ZFAND6: variants seen among roughly 807,000 people sequenced by gnomAD.
ZFAND6 encodes AN1-type zinc finger protein 6.
ZFAND6 carries 12 observed loss-of-function variants against 24.5 expected under a neutral mutation model. That is an observed-to-expected ratio of 0.49 (90% CI 0.31 to 0.79). The LOEUF (loss-of-function observed/expected upper bound fraction) is 0.79, where lower values mean the gene tolerates loss of function less well. Ranked by LOEUF, ZFAND6 falls within the 30% of genes least tolerant of loss-of-function variation. The pLI is 0.04. For missense variants in ZFAND6, 207 were observed against 245.9 expected, an observed-to-expected ratio of 0.84 and a Z score of 1.06; for synonymous variants, 92 against 81.5, an observed-to-expected ratio of 1.13 and a Z score of -0.69.
intron 1 of ZFAND6, among the ~76,000 whole-genome samples, chr15:80,062,670 G>C (rs1005202119): frequency 6.6e-6 from 1 of 152,096 alleles, no homozygotes; most frequent in African/African-American, 2.4e-5. Flanking sequence ...TGTTTTGGTA[G>C]GGCTGTATTC....
At chr15:80,129,226 G>A (rs1264715958) in intron 5 of ZFAND6, among the ~76,000 whole-genome samples, 1 of 152,132 alleles carries the variant, frequency 6.6e-6, no homozygotes, top group African/African-American at 2.4e-5. Flanking sequence ...GAAAATAAAA[G>A]GTTTGATGTG....
At chr15:80,096,898 G>A (rs150561280) in intron 1 of ZFAND6, among the ~76,000 whole-genome samples, 1 of 152,142 alleles carries the variant, frequency 6.6e-6, no homozygotes, top group African/African-American at 2.4e-5. Context: ...AAAAAATGCA[G>A]GTGAATAGGA....
At chr15:80,135,404 A>G (rs2040816768) in intron 6 of ZFAND6, among the ~76,000 whole-genome samples, 2 of 152,242 alleles carry the variant, frequency 1.3e-5, no homozygotes, top group Admixed American at 6.5e-5. Context: ...CTGCATGCCT[A>G]AATCTGGCAT....
intron 3 of ZFAND6, among the ~76,000 whole-genome samples, chr15:80,121,452 T>C (rs1391071317): frequency 6.6e-6 from 1 of 152,198 alleles, no homozygotes; most frequent in Non-Finnish European, 1.5e-5. Flanking sequence ...GCATTTGGGC[T>C]TGGGTGCTAT....
rs574842440 is a variant in ZFAND6 at position 80,079,649 on chromosome 15, C to CTT, written c.-180-18750_-180-18749dup. Among the ~76,000 whole-genome samples the CTT allele has an allele frequency of 0.019, 2,347 of 120,416 alleles. 185 individuals carry two copies. The East Asian group carries it at 0.21, about 11-fold the overall frequency. The allele number at this position is 120,416 out of a possible 152,430, so 79.0% of individuals were successfully genotyped here. On this transcript the variant is annotated intron_variant, in intron 1 of 6. Transcript: ENST00000261749. The stretch of plus-strand genomic sequence containing the variant: ...AATTTGAAAAGAATGTTTTCCTTAG[C>CTT]TTTTTTTTTTTTTTTTTTGAAATGG...
intron 1 of ZFAND6, among the ~76,000 whole-genome samples, chr15:80,090,083 T>C (rs1356506699): frequency 6.6e-6 from 1 of 152,218 alleles, no homozygotes; most frequent in Admixed American, 6.5e-5. Flanking sequence ...ACTTGTTAAT[T>C]TGTCTGTTTT....
At chr15:80,099,253 G>T (rs2038901410) in intron 2 of ZFAND6, among the ~76,000 whole-genome samples, 3 of 151,984 alleles carry the variant, frequency 2.0e-5, no homozygotes, top group Admixed American at 6.6e-5. Flanking sequence ...GTGGTGTCTG[G>T]TTTTTTTCTA....
At chr15:80,113,500 G>T (rs1176118453) in intron 2 of ZFAND6, among the ~76,000 whole-genome samples, 2 of 151,898 alleles carry the variant, frequency 1.3e-5, no homozygotes, top group Non-Finnish European at 2.9e-5. Context: ...CGGGAGGAGG[G>T]AGAAAAAGAA....
chr15:80,070,301 T>C (rs2036900931), intron 1 of ZFAND6, among the ~76,000 whole-genome samples: 1 of 152,226 alleles, frequency 6.6e-6, no homozygotes, highest in Non-Finnish European at 1.5e-5. Context: ...ACAAATAATA[T>C]ACAATACATC....
chr15:80,137,644 C>T lies in ZFAND6; in HGVS notation c.*16C>T, dbSNP rs894442832. ...AAAGATTTGAACTCCTGCTGGAATA[C>T]AAAATTCTTGAGCATCTGCAAACTA... On this transcript the variant is annotated 3_prime_UTR_variant, in exon 7 of 7. Coordinates refer to ENST00000261749, the MANE Select transcript of ZFAND6 (RefSeq NM_019006.4). 19 of 1,558,404 alleles carry T rather than the reference C, an allele frequency of 1.2e-5. No individual in the cohort carries two copies. The highest frequency in any genetic ancestry group is 6.9e-5 in the East Asian group (3 of 43,674).
At chr15:80,090,245 G>C (rs1053173273) in intron 1 of ZFAND6, among the ~76,000 whole-genome samples, 2 of 152,162 alleles carry the variant, frequency 1.3e-5, no homozygotes, top group African/African-American at 4.8e-5. Flanking sequence ...AAGTACTCAA[G>C]AAATGCCTCT....
In ZFAND6 at chr15:80,082,276, ATTAACT is replaced by A. The variant is rs374738020; in HGVS notation, c.-180-16135_-180-16130del. On this transcript the variant is annotated intron_variant, in intron 1 of 6. Coordinates refer to ENST00000261749, the MANE Select transcript of ZFAND6 (RefSeq NM_019006.4). ...ACTCATATTGGACACTATCAGACAC[ATTAACT>A]TTAAGTTCTCACAATATCATGAGAT... Among the ~76,000 whole-genome samples, 1,048 of 152,368 alleles carry A rather than the reference ATTAACT, an allele frequency of 6.9e-3. 6 individuals carry two copies. Among genetic ancestry groups the A allele is most frequent in the African/African-American group, 0.016 (657 of 41,586 alleles).
At chr15:80,105,095 A>G (rs990746365) in intron 2 of ZFAND6, among the ~76,000 whole-genome samples, 4 of 152,180 alleles carry the variant, frequency 2.6e-5, no homozygotes, top group African/African-American at 4.8e-5. Flanking sequence ...ATCATTTCCC[A>G]CTATCCTGTA....
chr15:80,116,305 T>C (rs2039875621), intron 2 of ZFAND6, among the ~76,000 whole-genome samples: 2 of 152,214 alleles, frequency 1.3e-5, no homozygotes, highest in Admixed American at 1.3e-4. Flanking sequence ...CAGTGGATTC[T>C]CAAAATTTTG....
At position 80,120,426 on chromosome 15, in the gene ZFAND6, G is replaced by C; in HGVS notation, c.82G>C (p.Gly28Arg). 1 of 1,606,700 alleles carries C rather than the reference G, an allele frequency of 6.2e-7. No homozygotes were observed. The highest frequency in any genetic ancestry group is 8.5e-7 in the Non-Finnish European group (1 of 1,175,146). Reference sequence around the variant, plus strand: ...ATTTTATGGAAACCCTCGTACAAATGGCATGTGTTCAGTATGCTATAAAGA... The same window carrying C: ...ATTTTATGGAAACCCTCGTACAAATCGCATGTGTTCAGTATGCTATAAAGA... Reference protein sequence around the residue: ...CGFYGNPRTNGMCSVCYKEHL... With the variant: ...CGFYGNPRTNRMCSVCYKEHL... The change falls in exon 3 of 7, where the codon GGC becomes CGC. Residue 28 changes from glycine to arginine, a missense_variant. Physicochemically the swap from Gly to Arg is moderately radical, Grantham distance 125. Transcript: ENST00000261749.
At chr15:80,114,058 C>G (rs2039744297) in intron 2 of ZFAND6, among the ~76,000 whole-genome samples, 1 of 152,060 alleles carries the variant, frequency 6.6e-6, no homozygotes, top group Non-Finnish European at 1.5e-5. Context: ...AAGCTTGTTT[C>G]CAAGAGTGAG....
intron 5 of ZFAND6, among the ~76,000 whole-genome samples, chr15:80,123,822 A>T (rs1398392577): frequency 1.3e-5 from 2 of 152,206 alleles, no homozygotes; most frequent in African/African-American, 4.8e-5. Flanking sequence ...GCGGTGAGCT[A>T]TGATCGTGCC....
At chr15:80,111,408 T>C (rs2039602830) in intron 2 of ZFAND6, 1 of 417,528 alleles carries the variant, frequency 2.4e-6, no homozygotes, top group Admixed American at 2.8e-5. Flanking sequence ...GTATGAAAAG[T>C]CAGTCTTCCT....
chr15:80,076,934 T>C (rs745912666), intron 1 of ZFAND6, among the ~76,000 whole-genome samples: 10 of 152,184 alleles, frequency 6.6e-5, no homozygotes, highest in Non-Finnish European at 1.5e-4. Context: ...CTGACAGTTT[T>C]TTGGAACACT....
Sources: allele counts gnomAD v4.1 joint callset (sites outside exome capture counted in the v4.1 genomes callset), GRCh38; gene constraint gnomAD v4.1.1; transcripts MANE v1.5; gene names NCBI Gene and HGNC (gene_info 2026-07-23, HGNC 2026-07-21).